The following NKAIN2 variants were observed in gnomAD, a reference collection of about 807,000 sequenced individuals.
The protein encoded by NKAIN2 is sodium/potassium-transporting ATPase subunit beta-1-interacting protein 2.
Under a neutral mutation model 32.6 loss-of-function variants are expected in NKAIN2, and 14 were observed. That is an observed-to-expected ratio of 0.43 (90% CI 0.28 to 0.67). NKAIN2 has a LOEUF of 0.67. NKAIN2 is among the 30% of genes least tolerant of loss of function. NKAIN2 has a pLI of 0.17. For synonymous variants in NKAIN2, 80 were observed against 87.2 expected, an observed-to-expected ratio of 0.92 and a Z score of 0.46; for missense variants, 198 against 258.3, an observed-to-expected ratio of 0.77 and a Z score of 1.60.
chr6:124,487,729 A>G (rs1190347102), intron 3 of NKAIN2, among the ~76,000 whole-genome samples: 1 of 152,068 alleles, frequency 6.6e-6, no homozygotes, highest in Non-Finnish European at 1.5e-5. Context: ...CAAATGAAGG[A>G]TTATGGAGTT....
chr6:124,805,016 A>G (rs1343170376), intron 5 of NKAIN2, among the ~76,000 whole-genome samples: 1 of 152,182 alleles, frequency 6.6e-6, no homozygotes, highest in Non-Finnish European at 1.5e-5. Flanking sequence ...GGAGCCCACC[A>G]CAGCTCAAGG....
At chr6:124,760,541 G>T in intron 4 of NKAIN2, among the ~76,000 whole-genome samples, 1 of 152,150 alleles carries the variant, frequency 6.6e-6, no homozygotes, top group South Asian at 2.1e-4. Context: ...AGTCCACTCT[G>T]GGTCTGCGGG....
intron 4 of NKAIN2, among the ~76,000 whole-genome samples, chr6:124,763,737 AGATT>A (rs1246537307): frequency 6.6e-6 from 1 of 152,228 alleles, no homozygotes; most frequent in Non-Finnish European, 1.5e-5. Context: ...TATGTTAACT[AGATT>A]GATTTAGCCA....
chr6:124,738,829 A>G (rs1431984514), intron 4 of NKAIN2, among the ~76,000 whole-genome samples: 1 of 151,936 alleles, frequency 6.6e-6, no homozygotes, highest in African/African-American at 2.4e-5. Flanking sequence ...CATTGTTATA[A>G]GAACTAAAGG....
chr6:124,573,378 C>G (rs1339615041), intron 3 of NKAIN2, among the ~76,000 whole-genome samples: 1 of 151,982 alleles, frequency 6.6e-6, no homozygotes, highest in African/African-American at 2.4e-5. Context: ...TTTTACGCAC[C>G]AAGACCTGCT....
intron 1 of NKAIN2, among the ~76,000 whole-genome samples, chr6:124,076,553 T>A (rs9491064): frequency 0.014 from 2,154 of 152,352 alleles, 57 homozygotes; most frequent in African/African-American, 0.047. Context: ...TGTCTTGCTC[T>A]CTGCTTTAGA....
At position 124,521,684 on chromosome 6, in the gene NKAIN2, A is replaced by G. The variant is rs190864843; in HGVS notation, c.274-136502A>G. On this transcript the variant is annotated intron_variant, in intron 3 of 6. Transcript: ENST00000368417. ...AGAATAATCGATTCTTTTCATGCGT[A>G]ATTGATGGTATGAGTTTACTCTTAT... Among the ~76,000 whole-genome samples, 260 of 152,286 alleles carry G rather than the reference A, an allele frequency of 1.7e-3. 1 individual carries two copies. The highest frequency in any genetic ancestry group is 6.1e-3 in the African/African-American group (253 of 41,562).
Position 124,264,823 on chromosome 6 carries a change from A to G in NKAIN2, c.55-18182A>G, listed in dbSNP as rs779915718. 2.2e-3 allele frequency among the ~76,000 whole-genome samples: 338 copies of G among 152,340 alleles called. 4 individuals are homozygous for G. Among genetic ancestry groups the G allele is most frequent in the Non-Finnish European group, 2.3e-3 (155 of 68,032 alleles). ...CTCATTCAGTGTTACCTAATATTTA[A>G]TAACAATAGTGTTTGAACTTGTCTG... On this transcript the variant is annotated intron_variant, in intron 1 of 6. Coordinates refer to ENST00000368417, the MANE Select transcript of NKAIN2 (RefSeq NM_001040214.3).
intron 1 of NKAIN2, among the ~76,000 whole-genome samples, chr6:124,176,827 C>A (rs116569549): frequency 0.01 from 1,584 of 152,024 alleles, 36 homozygotes; most frequent in African/African-American, 0.036. Context: ...TGTGTGTATT[C>A]TTTTGTTAAC....
At chr6:123,900,384 A>T (rs1249362298) in intron 1 of NKAIN2, among the ~76,000 whole-genome samples, 2 of 151,912 alleles carry the variant, frequency 1.3e-5, no homozygotes, top group Non-Finnish European at 1.5e-5. Flanking sequence ...GAGGTCGGAC[A>T]ATCGCTTGAA....
At chr6:124,214,514 C>A (rs1291527019) in intron 1 of NKAIN2, among the ~76,000 whole-genome samples, 1 of 151,904 alleles carries the variant, frequency 6.6e-6, no homozygotes, top group East Asian at 1.9e-4. Flanking sequence ...TTTGGGAAGC[C>A]AAGGAGGGCA....
chr6:124,455,816 T>C (rs1455779816), intron 3 of NKAIN2, among the ~76,000 whole-genome samples: 1 of 151,874 alleles, frequency 6.6e-6, no homozygotes, highest in Non-Finnish European at 1.5e-5. Context: ...TACAGAAACA[T>C]ATATGCACAT....
At chr6:124,171,815 G>A (rs1484690836) in intron 1 of NKAIN2, among the ~76,000 whole-genome samples, 1 of 150,930 alleles carries the variant, frequency 6.6e-6, no homozygotes, top group African/African-American at 2.4e-5. Context: ...GCCTCCCAAA[G>A]TGCTAGGATT....
rs986107802 is a variant in NKAIN2 at position 123,806,910 on chromosome 6, C to A, written c.54+2656C>A. On this transcript the variant is annotated intron_variant, in intron 1 of 6. Coordinates refer to ENST00000368417, the MANE Select transcript of NKAIN2 (RefSeq NM_001040214.3). The stretch of plus-strand genomic sequence containing the variant: ...TTAAATAAATTTAAGGGAATATTTA[C>A]ATCTGTACCAATTTGCAGCTAATCT... Among the ~76,000 whole-genome samples the A allele has an allele frequency of 2.6e-5, 4 of 152,134 alleles. No homozygotes were observed. In the East Asian group the frequency reaches 7.7e-4, roughly 29 times the overall value.
chr6:124,488,455 T>C (rs957337650), intron 3 of NKAIN2, among the ~76,000 whole-genome samples: 7 of 152,042 alleles, frequency 4.6e-5, no homozygotes, highest in African/African-American at 1.7e-4. Flanking sequence ...ATGTCATTTG[T>C]AATTTTTCAA....
At chr6:124,464,446 G>C (rs980133111) in intron 3 of NKAIN2, among the ~76,000 whole-genome samples, 1 of 150,030 alleles carries the variant, frequency 6.7e-6, no homozygotes, top group Non-Finnish European at 1.5e-5. Flanking sequence ...TTTTCTGCCA[G>C]CCTAAATTGT....
intron 4 of NKAIN2, among the ~76,000 whole-genome samples, chr6:124,704,761 A>G (rs1774968755): frequency 1.3e-5 from 2 of 151,946 alleles, no homozygotes; most frequent in South Asian, 4.1e-4. Context: ...TTATCTGAAA[A>G]TCTACTATGA....
intron 1 of NKAIN2, among the ~76,000 whole-genome samples, chr6:123,826,325 A>T (rs750239540): frequency 1.8e-4 from 28 of 152,200 alleles, no homozygotes; most frequent in Non-Finnish European, 3.5e-4. Flanking sequence ...TTAAGACAAG[A>T]TCTGGAGATT....
intron 3 of NKAIN2, among the ~76,000 whole-genome samples, chr6:124,526,784 G>A (rs893055509): frequency 3.3e-5 from 5 of 152,086 alleles, no homozygotes; most frequent in African/African-American, 9.7e-5. Flanking sequence ...AAGAAATGTC[G>A]AAGCTAGTGT....
Sources: allele counts gnomAD v4.1 joint callset (sites outside exome capture counted in the v4.1 genomes callset), GRCh38; gene constraint gnomAD v4.1.1; transcripts MANE v1.5; gene names NCBI Gene and HGNC (gene_info 2026-07-23, HGNC 2026-07-21).